The following MARCHF1 variants were observed in gnomAD, a reference collection of about 807,000 sequenced individuals.
MARCHF1 encodes membrane associated ring-CH-type finger 1, also known as E3 ubiquitin-protein ligase MARCHF1.
A neutral mutation model predicts 54.2 loss-of-function variants in MARCHF1; 40 were observed. That is an observed-to-expected ratio of 0.74 (90% CI 0.57 to 0.96). The LOEUF is 0.96. Ranked by LOEUF, MARCHF1 falls within the 40% of genes least tolerant of loss-of-function variation. The pLI is 0.00. For synonymous variants in MARCHF1, 236 were observed against 236.3 expected (o/e 1.00, Z 0.01); for missense variants, 586 against 656.5 (o/e 0.89, Z 1.17).
chr4:164,182,442 A>G (rs1388509215), intron 1 of MARCHF1, among the ~76,000 whole-genome samples: 1 of 152,036 alleles, frequency 6.6e-6, no homozygotes, highest in African/African-American at 2.4e-5. Context: ...AACAAGGCAT[A>G]TTAGTAAGTA....
At chr4:164,101,204 C>T (rs1411496572) in intron 2 of MARCHF1, among the ~76,000 whole-genome samples, 2 of 152,178 alleles carry the variant, frequency 1.3e-5, no homozygotes, top group Non-Finnish European at 2.9e-5. Context: ...CCGCCATTGC[C>T]CAGGCTTGAT....
chr4:164,179,286 A>T (rs6855791), intron 1 of MARCHF1, among the ~76,000 whole-genome samples: 6,434 of 151,998 alleles, frequency 0.042, 278 homozygotes, highest in African/African-American at 0.11. Context: ...CACATAGTAA[A>T]CTCTTATTAA....
intron 4 of MARCHF1, among the ~76,000 whole-genome samples, chr4:163,816,367 T>G (rs1256698953): frequency 3.7e-5 from 4 of 107,214 alleles, no homozygotes; most frequent in East Asian, 2.9e-4. Context: ...ATGAGTGAAA[T>G]AGTACCTTCT....
chr4:163,836,159 A>G (rs2111114688), intron 4 of MARCHF1, among the ~76,000 whole-genome samples: 1 of 152,248 alleles, frequency 6.6e-6, no homozygotes, highest in South Asian at 2.1e-4. Flanking sequence ...ATGTAAGTGG[A>G]AGGAGCTGGC....
chr4:164,232,389 G>A (rs1038498582), intron 1 of MARCHF1, among the ~76,000 whole-genome samples: 4 of 152,070 alleles, frequency 2.6e-5, no homozygotes, highest in African/African-American at 9.7e-5. Context: ...CACACAGATA[G>A]ACATAATGAC....
intron 2 of MARCHF1, among the ~76,000 whole-genome samples, chr4:164,009,094 A>T (rs1013815911): frequency 2.0e-5 from 3 of 152,066 alleles, no homozygotes; most frequent in African/African-American, 7.2e-5. Flanking sequence ...AGAAGACCCA[A>T]ATAAATAATA....
intron 3 of MARCHF1, among the ~76,000 whole-genome samples, chr4:163,884,741 T>A (rs1750492048): frequency 6.6e-6 from 1 of 152,126 alleles, no homozygotes; most frequent in Non-Finnish European, 1.5e-5. Context: ...CAAGCTTAAA[T>A]AACAAGGAAA....
chr4:163,567,105 G>T lies in MARCHF1; in HGVS notation c.1191+18644C>A, dbSNP rs117518402. ...TGCATGTAACAAAGCTGCATTTTCT[G>T]CACGTGTATCCCAGAACTTAAAGTA... On this transcript the variant is annotated intron_variant, in intron 8 of 9. Transcript: ENST00000514618. Among the ~76,000 whole-genome samples, 111 of 152,196 alleles carry T rather than the reference G, an allele frequency of 7.3e-4. 1 individual carries two copies. The East Asian group carries it at 0.017, about 23-fold the overall frequency.
chr4:164,364,692 CTTT>C (rs35911035), intron 1 of MARCHF1, among the ~76,000 whole-genome samples: 2 of 144,560 alleles, frequency 1.4e-5, no homozygotes, highest in South Asian at 2.2e-4. Context: ...AACAATTTTC[CTTT>C]TTTTTTTTAA....
intron 2 of MARCHF1, among the ~76,000 whole-genome samples, chr4:164,053,091 T>C (rs1356880414): frequency 3.3e-5 from 5 of 152,214 alleles, no homozygotes; most frequent in African/African-American, 9.6e-5. Flanking sequence ...TATTGAATTC[T>C]TCAAAATATG....
chr4:163,719,479 C>G (rs1030577626), intron 4 of MARCHF1, among the ~76,000 whole-genome samples: 1 of 151,968 alleles, frequency 6.6e-6, no homozygotes, highest in Non-Finnish European at 1.5e-5. Context: ...TGAATACTGC[C>G]GCAATAAACA....
chr4:164,233,831 T>C (rs147191074), intron 1 of MARCHF1, among the ~76,000 whole-genome samples: 1 of 152,132 alleles, frequency 6.6e-6, no homozygotes, highest in African/African-American at 2.4e-5. Flanking sequence ...ATTTAAAGGA[T>C]ATACCAATAC....
At position 163,705,922 on chromosome 4, in the gene MARCHF1, T is replaced by G. The variant is rs187735314; in HGVS notation, c.112-5059A>C. Among the ~76,000 whole-genome samples the G allele has an allele frequency of 4.7e-3, 712 of 152,152 alleles. 8 individuals carry two copies. The highest frequency in any genetic ancestry group is 7.0e-3 in the Non-Finnish European group (473 of 67,936). ...TAACATCTTAGAAATCCCAAGTGTC[T>G]CTGGTTAAGAAACAAAACCACTGCA... On this transcript the variant is annotated intron_variant, in intron 4 of 9. Coordinates refer to ENST00000514618, the MANE Select transcript of MARCHF1 (RefSeq NM_001394959.1).
chr4:164,032,851 A>G (rs1231068435), intron 2 of MARCHF1, among the ~76,000 whole-genome samples: 1 of 152,170 alleles, frequency 6.6e-6, no homozygotes, highest in Non-Finnish European at 1.5e-5. Context: ...AGCCAAGACA[A>G]TCCTAAGCAG....
chr4:164,060,189 A>G (rs1203953267), intron 2 of MARCHF1, among the ~76,000 whole-genome samples: 1 of 152,080 alleles, frequency 6.6e-6, no homozygotes, highest in Admixed American at 6.6e-5. Context: ...AAATATCCAT[A>G]TTTTCTCAAA....
chr4:164,036,680 T>C (rs1356156409), intron 2 of MARCHF1, among the ~76,000 whole-genome samples: 2 of 152,078 alleles, frequency 1.3e-5, no homozygotes, highest in Non-Finnish European at 2.9e-5. Flanking sequence ...GCTAGACTAA[T>C]GGTAAGGAGA....
intron 7 of MARCHF1, 128 bp downstream of exon 7, chr4:163,612,143 T>C: frequency 8.4e-6 from 7 of 833,974 alleles, no homozygotes; most frequent in Non-Finnish European, 1.2e-5. Flanking sequence ...TCTCCTTTTA[T>C]ATCCAATCAG....
chr4:164,243,528 A>G (rs1026711398), intron 1 of MARCHF1, among the ~76,000 whole-genome samples: 878 of 149,824 alleles, frequency 5.9e-3, no homozygotes, highest in East Asian at 0.058. Flanking sequence ...GACCATCGAG[A>G]CTAGGAAGAA....
intron 1 of MARCHF1, among the ~76,000 whole-genome samples, chr4:164,201,262 C>T (rs1484014815): frequency 2.6e-5 from 4 of 152,046 alleles, no homozygotes; most frequent in African/African-American, 9.7e-5. Context: ...GCTCTGTTGC[C>T]AGGCTGGAGT....
Sources: allele counts gnomAD v4.1 joint callset (sites outside exome capture counted in the v4.1 genomes callset), GRCh38; gene constraint gnomAD v4.1.1; transcripts MANE v1.5; gene names NCBI Gene and HGNC (gene_info 2026-07-23, HGNC 2026-07-21).